The following KCNAB2 variants were observed in gnomAD, a reference collection of about 807,000 sequenced individuals.
KCNAB2 encodes the protein voltage-gated potassium channel subunit beta-2.
Under a neutral mutation model 63.6 loss-of-function variants are expected in KCNAB2, and 29 were observed. That is an observed-to-expected ratio of 0.46 (90% CI 0.34 to 0.62). The LOEUF (loss-of-function observed/expected upper bound fraction) is 0.62, where lower values mean the gene tolerates loss of function less well. KCNAB2 is among the 20% of genes least tolerant of loss of function. KCNAB2 has a pLI of 0.01. For missense variants in KCNAB2, 359 were observed against 563.9 expected, an observed-to-expected ratio of 0.64 and a Z score of 3.68; for synonymous variants, 222 against 224.2, an observed-to-expected ratio of 0.99 and a Z score of 0.09.
upstream of KCNAB2, among the ~76,000 whole-genome samples, chr1:6,042,724 TTCGGAC>T (rs1280094390): frequency 1.3e-5 from 2 of 152,164 alleles, no homozygotes; most frequent in Non-Finnish European, 2.9e-5. Flanking sequence ...GGTCTCTCTA[TTCGGAC>T]CCGGACATCT....
At chr1:6,097,934 C>T (rs1443120601) in intron 15 of KCNAB2, 3 of 173,960 alleles carry the variant, frequency 1.7e-5, no homozygotes, top group Non-Finnish European at 3.6e-5. Context: ...GCTGCTCCAT[C>T]GGGGAGGCTT....
Position 6,096,345 on chromosome 1 carries a change from A to C in KCNAB2, c.949-291A>C, listed in dbSNP as rs1665638883. The C allele has an allele frequency of 8.2e-6, 4 of 488,766 alleles. No individual in the cohort carries two copies. Among genetic ancestry groups the C allele is most frequent in the East Asian group, 7.8e-5 (2 of 25,648 alleles). The allele number at this position is 488,766 out of a possible 1,614,324, so 30.3% of individuals were successfully genotyped here. A position where few individuals can be genotyped will look rare whatever the true frequency, so the allele number is the denominator to read the frequency against. ...GGCTGCCAAGTTTCCTAAGAGAAGG[A>C]AGGCCAGCACCTCGCCTCCTTGTCC... is the stretch of plus-strand genomic sequence containing the variant. On this transcript the variant is annotated intron_variant, in intron 13 of 15. Coordinates refer to ENST00000378083, the MANE Select transcript of KCNAB2 (RefSeq NM_001199862.2). This position sits in a 1 kb window ranked among gnomAD's most constrained non-coding sequence, Gnocchi z 5.9.
At chr1:6,089,101 C>G (rs1440189006) in intron 8 of KCNAB2, 50 bp downstream of exon 8, 1 of 1,524,762 alleles carries the variant, frequency 6.6e-7, no homozygotes, top group Admixed American at 2.0e-5. Context: ...TGGGATCATC[C>G]TCGGAGGCCA....
intron 1 of KCNAB2, among the ~76,000 whole-genome samples, chr1:5,999,262 G>T (rs7524865): frequency 6.6e-6 from 1 of 152,080 alleles, no homozygotes; most frequent in Admixed American, 6.5e-5. Context: ...TGAGATATCG[G>T]TGTGCCCAGC....
intron 1 of KCNAB2, among the ~76,000 whole-genome samples, chr1:6,048,447 C>T (rs952452355): frequency 1.3e-5 from 2 of 152,194 alleles, no homozygotes; most frequent in East Asian, 1.9e-4. Context: ...AGGCTGAGGC[C>T]GGGAGCGGTC....
intron 4 of KCNAB2, among the ~76,000 whole-genome samples, chr1:6,080,294 G>A (rs575034693): frequency 2.6e-5 from 4 of 152,172 alleles, no homozygotes; most frequent in Non-Finnish European, 4.4e-5. Context: ...CCGTCTGTCC[G>A]TGCTGGAGCC....
intron 1 of KCNAB2, among the ~76,000 whole-genome samples, chr1:6,046,968 G>C (rs1271898217): frequency 5.9e-5 from 9 of 152,206 alleles, no homozygotes; most frequent in Non-Finnish European, 1.3e-4. Flanking sequence ...ATGTCACGGT[G>C]TTAATTCACG....
intron 1 of KCNAB2, among the ~76,000 whole-genome samples, chr1:6,017,196 G>T (rs1428613781): frequency 1.3e-5 from 2 of 152,088 alleles, no homozygotes; most frequent in East Asian, 3.9e-4. Flanking sequence ...GATTCTGCAA[G>T]GGTGTGTGCA....
At chr1:6,052,061 C>A (rs976639509) in intron 2 of KCNAB2, among the ~76,000 whole-genome samples, 4 of 152,058 alleles carry the variant, frequency 2.6e-5, no homozygotes, top group African/African-American at 4.8e-5. Flanking sequence ...AAGATCATAC[C>A]ACTGCACTCC....
At chr1:6,008,606 C>T (rs954446545) in intron 1 of KCNAB2, among the ~76,000 whole-genome samples, 3 of 129,110 alleles carry the variant, frequency 2.3e-5, no homozygotes, top group Non-Finnish European at 4.8e-5. Flanking sequence ...AGCCTGGAGA[C>T]GGAGCGAGAC....
rs1388236410 is a variant in KCNAB2, at chr1:5,994,921, GAC to G, written c.-53+2134_-53+2135del. Among the ~76,000 whole-genome samples the G allele has an allele frequency of 6.6e-6, 1 of 152,196 alleles. No homozygotes were observed. The highest frequency in any genetic ancestry group is 2.4e-5 in the African/African-American group (1 of 41,432). On this transcript the variant is annotated intron_variant, in intron 1 of 16. Transcript: ENST00000341524. This position sits in a 1 kb window ranked among gnomAD's most constrained non-coding sequence, Gnocchi z 5.4. ...GGCTTGGAGGGAGGGGCCTCCCCTAGACCTTCCTGTGTGTTGGTGCTCTGCCG... is the reference window on the plus strand; with the variant it reads ...GGCTTGGAGGGAGGGGCCTCCCCTAGCTTCCTGTGTGTTGGTGCTCTGCCG...
chr1:6,046,715 C>T (rs527840846), intron 1 of KCNAB2, among the ~76,000 whole-genome samples: 5 of 152,296 alleles, frequency 3.3e-5, no homozygotes, highest in African/African-American at 9.6e-5. Context: ...TGTAGAGCCG[C>T]ACCCCGGAAT....
upstream of KCNAB2, among the ~76,000 whole-genome samples, chr1:6,042,820 C>T (rs1285655719): frequency 1.7e-5 from 2 of 115,634 alleles, no homozygotes; most frequent in Non-Finnish European, 1.8e-5. Flanking sequence ...TGTAGCTTTT[C>T]TCTCCCCGCG....
intron 1 of KCNAB2, among the ~76,000 whole-genome samples, chr1:6,015,618 G>A (rs1174095858): frequency 6.6e-6 from 1 of 152,270 alleles, no homozygotes; most frequent in Non-Finnish European, 1.5e-5. Context: ...CAGCTCCAGT[G>A]TCGATGGGGC....
chr1:6,099,999 C>A lies in KCNAB2; in HGVS notation c.*1425C>A. On this transcript the variant is annotated 3_prime_UTR_variant, in exon 16 of 16. Transcript: ENST00000378083. ...CGGGGCAGGGCTCCACTGAAGCCAC[C>A]CCCACCCCTCGCCAGCTAGCTCCAT... 1.9e-6 allele frequency: 3 copies of A among 1,542,206 alleles called. No individual in the cohort carries two copies. Among genetic ancestry groups the A allele is most frequent in the Non-Finnish European group, 2.6e-6 (3 of 1,142,634 alleles).
At position 6,051,569 on chromosome 1, in the gene KCNAB2, G is replaced by A. The variant is rs1386910131; in HGVS notation, c.33G>A (p.Arg11=). Residue 11 remains arginine (R), a synonymous_variant, in exon 2 of 16, where the codon CGG becomes CGA. Transcript: ENST00000378083. Reference sequence around the variant, plus strand: ...CCATGACGTACAGCGAGAGTCTGCGGAGCGTGAGCAGCAGGTGCCACTCTG... The same window carrying A: ...CCATGACGTACAGCGAGAGTCTGCGAAGCGTGAGCAGCAGGTGCCACTCTG... MLSMTYSESL[R]SVSSRCHSEW... 1 of 1,533,896 alleles carries A rather than the reference G, an allele frequency of 6.5e-7. No homozygotes were observed. The highest frequency in any genetic ancestry group is 8.7e-7 in the Non-Finnish European group (1 of 1,145,606).
intron 1 of KCNAB2, among the ~76,000 whole-genome samples, chr1:6,018,104 T>C (rs1452102648): frequency 1.3e-5 from 2 of 152,070 alleles, no homozygotes; most frequent in Non-Finnish European, 2.9e-5. Flanking sequence ...ACTAATTTTT[T>C]TTGTAATTTT....
At chr1:6,004,345 A>G (rs1657434010) in intron 1 of KCNAB2, among the ~76,000 whole-genome samples, 1 of 151,840 alleles carries the variant, frequency 6.6e-6, no homozygotes. Flanking sequence ...GCAGATGGGC[A>G]TTGCTGCACC....
intron 1 of KCNAB2, among the ~76,000 whole-genome samples, chr1:6,038,839 C>T (rs1319483628): frequency 1.3e-5 from 2 of 152,236 alleles, no homozygotes; most frequent in African/African-American, 4.8e-5. Flanking sequence ...TGTCAGGTTT[C>T]CCAACAACTT....
Sources: gnomAD v4.1 joint callset for allele counts (sites outside exome capture counted in the v4.1 genomes callset) on GRCh38, gnomAD v4.1.1 for gene constraint, Gnocchi (gnomAD v3.1) non-coding constraint, MANE v1.5 for transcripts, NCBI Gene and HGNC (gene_info 2026-07-23, HGNC 2026-07-21) for gene names.